TIAM1: variants seen among roughly 807,000 people sequenced by gnomAD.
The protein encoded by TIAM1 is TIAM Rac1 associated GEF 1.
In TIAM1, 65 loss-of-function variants were observed where a neutral mutation model predicts 163.5. The observed-to-expected ratio is 0.40, with a 90% CI of 0.33 to 0.49. TIAM1 has a LOEUF of 0.49. TIAM1 is among the 20% of genes least tolerant of loss of function. TIAM1 has a pLI of 0.77. For missense variants in TIAM1, 1,789 were observed against 2,044.7 expected (o/e 0.87, Z 2.41); for synonymous variants, 833 against 810.1 (o/e 1.03, Z -0.48).
At chr21:31,152,818 AT>A in intron 18 of TIAM1, 57 bp from the exon 19 acceptor site, 1 of 1,577,704 alleles carries the variant, frequency 6.3e-7, no homozygotes, top group East Asian at 2.2e-5. Context: ...CCTAAACGTT[AT>A]TTATATCTGA....
At chr21:31,233,832 A>G (rs1044463191) in intron 6 of TIAM1, among the ~76,000 whole-genome samples, 1 of 152,214 alleles carries the variant, frequency 6.6e-6, no homozygotes, top group Non-Finnish European at 1.5e-5. Flanking sequence ...GGACTCCAGG[A>G]AGACAGACAC....
rs375005769 is a variant in TIAM1, at chr21:31,129,190, C to T, written c.4045+1023G>A. Reference sequence around the variant, plus strand: ...CCAGGATGTGCCTGGGAGAGCCACACAGTCCATTCCTCCTCTTGAGAACTT... The same window carrying T: ...CCAGGATGTGCCTGGGAGAGCCACATAGTCCATTCCTCCTCTTGAGAACTT... On this transcript the variant is annotated intron_variant, in intron 25 of 27. Transcript: ENST00000541036. Among the ~76,000 whole-genome samples, 4 of 152,234 alleles carry T rather than the reference C, an allele frequency of 2.6e-5. No homozygotes were observed. In the East Asian group the frequency reaches 7.7e-4, roughly 29 times the overall value.
At position 31,120,971 on chromosome 21, in the gene TIAM1, T is replaced by C; in HGVS notation, c.4307-134A>G. On this transcript the variant is annotated intron_variant, in intron 27 of 27. Transcript: ENST00000541036. This position sits in a 1 kb window ranked among gnomAD's most constrained non-coding sequence, Gnocchi z 4.2. ...TGAATGCCTTGATGTCTTTTGGGGCTTAAAGTCTACATATCACCAATCTGT... is the reference window on the plus strand; with the variant it reads ...TGAATGCCTTGATGTCTTTTGGGGCCTAAAGTCTACATATCACCAATCTGT... 1 of 805,484 alleles carries C rather than the reference T, an allele frequency of 1.2e-6. No individual in the cohort carries two copies. The highest frequency in any genetic ancestry group is 1.9e-6 in the Non-Finnish European group (1 of 523,848). The allele number at this position is 805,484 out of a possible 1,614,324, so 49.9% of individuals were successfully genotyped here.
chr21:31,432,753 T>C (rs2044086169), intron 2 of TIAM1, among the ~76,000 whole-genome samples: 1 of 152,112 alleles, frequency 6.6e-6, no homozygotes, highest in Non-Finnish European at 1.5e-5. Context: ...GCCTTGTGGA[T>C]GAAATAGAAT....
At chr21:31,453,080 G>A in intron 2 of TIAM1, 1 of 372,486 alleles carries the variant, frequency 2.7e-6, no homozygotes, top group Non-Finnish European at 5.3e-6. Context: ...TGGATCTTCT[G>A]TTTGGAGAGG....
At position 31,550,562 on chromosome 21, in the gene TIAM1, G is replaced by T. The variant is rs189618557; in HGVS notation, c.-422+8365C>A. On this transcript the variant is annotated intron_variant, in intron 1 of 28. Transcript: ENST00000286827. ...TGAAAGTGTCCTAAAATCGACTGTGGTGATGGTTGTACAACTCTGTAAATT... is the reference window on the plus strand; with the variant it reads ...TGAAAGTGTCCTAAAATCGACTGTGTTGATGGTTGTACAACTCTGTAAATT... 3.3e-4 allele frequency among the ~76,000 whole-genome samples: 51 copies of T among 152,248 alleles called. 2 individuals are homozygous for T. The highest frequency in any genetic ancestry group is 2.3e-3 in the South Asian group (11 of 4,814).
At chr21:31,178,528 G>A (rs1221039656) in intron 15 of TIAM1, among the ~76,000 whole-genome samples, 2 of 151,946 alleles carry the variant, frequency 1.3e-5, no homozygotes, top group Non-Finnish European at 1.5e-5. Context: ...GGATGGTCTC[G>A]ATCTCCTGAC....
At chr21:31,488,160 G>A (rs941170475) in intron 1 of TIAM1, among the ~76,000 whole-genome samples, 5 of 152,338 alleles carry the variant, frequency 3.3e-5, no homozygotes, top group South Asian at 2.1e-4. Context: ...AAGAGTAGTC[G>A]CTGAGAAGGC....
chr21:31,185,414 A>G (rs145158357), intron 14 of TIAM1, among the ~76,000 whole-genome samples: 6,390 of 139,790 alleles, frequency 0.046, 389 homozygotes, highest in African/African-American at 0.16. Context: ...ATAATTATAT[A>G]TAATTATGTT....
chr21:31,536,345 C>T (rs913300571), intron 1 of TIAM1, among the ~76,000 whole-genome samples: 2 of 152,208 alleles, frequency 1.3e-5, no homozygotes, highest in African/African-American at 4.8e-5. Context: ...GAGATGACTG[C>T]CCTTACCCAC....
intron 1 of TIAM1, among the ~76,000 whole-genome samples, chr21:31,511,282 G>A (rs976874595): frequency 6.6e-6 from 1 of 152,204 alleles, no homozygotes; most frequent in Admixed American, 6.5e-5. Context: ...TAAAGGTTCA[G>A]ACCTCTTGAG....
chr21:31,273,635 A>G (rs772500884), intron 3 of TIAM1, among the ~76,000 whole-genome samples: 4 of 152,240 alleles, frequency 2.6e-5, no homozygotes, highest in Non-Finnish European at 4.4e-5. Flanking sequence ...GGAAAAATCA[A>G]TATTCTCCAG....
chr21:31,153,391 C>T (rs973581732), intron 17 of TIAM1, among the ~76,000 whole-genome samples: 1 of 152,066 alleles, frequency 6.6e-6, no homozygotes, highest in Non-Finnish European at 1.5e-5. Context: ...AACTGTAGCA[C>T]CCAAGCAGGC....
intron 2 of TIAM1, among the ~76,000 whole-genome samples, chr21:31,449,403 G>A (rs2147320756): frequency 6.6e-6 from 1 of 151,734 alleles, no homozygotes; most frequent in South Asian, 2.1e-4. Context: ...ATTTGAGACA[G>A]AGTCTTGCTC....
chr21:31,298,915 T>C (rs918330299), intron 2 of TIAM1, among the ~76,000 whole-genome samples: 2 of 151,896 alleles, frequency 1.3e-5, no homozygotes, highest in Non-Finnish European at 2.9e-5. Context: ...CTGCTACAAA[T>C]GAGTCAGAGA....
At chr21:31,510,515 C>T (rs1481714130) in intron 1 of TIAM1, among the ~76,000 whole-genome samples, 1 of 152,092 alleles carries the variant, frequency 6.6e-6, no homozygotes, top group African/African-American at 2.4e-5. Context: ...ACATTTCAGC[C>T]CATAACAGAC....
intron 9 of TIAM1, among the ~76,000 whole-genome samples, chr21:31,216,316 A>G (rs2087208272): frequency 6.6e-6 from 1 of 150,560 alleles, no homozygotes; most frequent in African/African-American, 2.5e-5. Context: ...ACAAGGAGAG[A>G]TCATTCTATC....
chr21:31,519,847 G>A (rs11702341), intron 1 of TIAM1, among the ~76,000 whole-genome samples: 31,194 of 152,052 alleles, frequency 0.21, 3,351 homozygotes, highest in Middle Eastern at 0.28. Flanking sequence ...TAGAGCAGTC[G>A]AATACATAGA....
chr21:31,454,343 A>T (rs1192300586), intron 2 of TIAM1, among the ~76,000 whole-genome samples: 1 of 152,242 alleles, frequency 6.6e-6, no homozygotes, highest in Non-Finnish European at 1.5e-5. Context: ...TAAGATGTCC[A>T]TGAGATCTCA....
Sources: gnomAD v4.1 joint callset for allele counts (sites outside exome capture counted in the v4.1 genomes callset) on GRCh38, gnomAD v4.1.1 for gene constraint, Gnocchi (gnomAD v3.1) non-coding constraint, MANE v1.5 for transcripts, NCBI Gene and HGNC (gene_info 2026-07-23, HGNC 2026-07-21) for gene names.